AMBRA1: variants seen among roughly 807,000 people sequenced by gnomAD.
AMBRA1 encodes the protein activating molecule in BECN1-regulated autophagy protein 1.
Under a neutral mutation model 125.4 loss-of-function variants are expected in AMBRA1, and 47 were observed. The ratio of observed to expected loss-of-function variants is 0.37; its 90% CI spans 0.30 to 0.48. The LOEUF (loss-of-function observed/expected upper bound fraction) is 0.48, where lower values mean the gene tolerates loss of function less well. Ranked by LOEUF, AMBRA1 falls within the 20% of genes least tolerant of loss-of-function variation. The pLI is 0.99. For synonymous variants in AMBRA1, 626 were observed against 655.5 expected (o/e 0.95, Z 0.69); for missense variants, 1,331 against 1,693.4 (o/e 0.79, Z 3.76).
chr11:46,569,440 A>AAAAAATATATATATATAT (rs1477022124), intron 1 of AMBRA1, among the ~76,000 whole-genome samples: 3 of 131,386 alleles, frequency 2.3e-5, no homozygotes, highest in African/African-American at 8.8e-5. Context: ...AAAAAAAAAA[A>AAAAAATATATATATATAT]ATATATATAT....
intron 1 of AMBRA1, among the ~76,000 whole-genome samples, chr11:46,579,902 A>C (rs1342622395): frequency 6.6e-6 from 1 of 152,146 alleles, no homozygotes; most frequent in Non-Finnish European, 1.5e-5. Flanking sequence ...TAGTAGAGAC[A>C]GGGTTTTGCC....
chr11:46,593,357 G>T lies in AMBRA1; in HGVS notation c.-121+471C>A, dbSNP rs561442846. 3.9e-5 allele frequency among the ~76,000 whole-genome samples: 6 copies of T among 152,192 alleles called. No individual in the cohort carries two copies. The South Asian group carries it at 1.2e-3, about 32-fold the overall frequency. On this transcript the variant is annotated intron_variant, in intron 1 of 17. Transcript: ENST00000683756. ...CCTCAGTTTACCCACCCAGAAAAAGGCGAGAACATAACACTTCGCTCAGAA... is the reference window on the plus strand; with the variant it reads ...CCTCAGTTTACCCACCCAGAAAAAGTCGAGAACATAACACTTCGCTCAGAA...
At chr11:46,586,327 T>C (rs1357681629) in intron 1 of AMBRA1, among the ~76,000 whole-genome samples, 1 of 152,108 alleles carries the variant, frequency 6.6e-6, no homozygotes, top group Non-Finnish European at 1.5e-5. Context: ...AAGAATCGCT[T>C]GAACCCAGGA....
chr11:46,543,728 C>T (rs763742004), intron 6 of AMBRA1, among the ~76,000 whole-genome samples: 2 of 152,152 alleles, frequency 1.3e-5, no homozygotes, highest in Non-Finnish European at 2.9e-5. Flanking sequence ...GACAAGCTAT[C>T]CAACACTGTC....
chr11:46,574,189 G>A (rs1313730827), intron 1 of AMBRA1, among the ~76,000 whole-genome samples: 5 of 145,456 alleles, frequency 3.4e-5, no homozygotes, highest in Admixed American at 1.4e-4. Context: ...CCAGTAATAG[G>A]ATGGCTGGGT....
Position 46,420,521 on chromosome 11 carries a change from G to A in AMBRA1, c.2977-2469C>T, listed in dbSNP as rs1212316762. 2.0e-5 allele frequency among the ~76,000 whole-genome samples: 3 copies of A among 152,174 alleles called. No individual in the cohort carries two copies. The East Asian group carries it at 5.8e-4, about 29-fold the overall frequency. On this transcript the variant is annotated intron_variant, in intron 14 of 17. Coordinates refer to ENST00000683756, the MANE Select transcript of AMBRA1 (RefSeq NM_001387011.1). ...TGGCACCTTTATTCTTTCTCATGGA[G>A]GTTTTCACCTTCTCAGAAGATAACC...
rs1227335508 is a variant in AMBRA1, at chr11:46,420,059, T to C, written c.2977-2007A>G. Among the ~76,000 whole-genome samples, 17 of 124,956 alleles carry C rather than the reference T, an allele frequency of 1.4e-4. No homozygotes were observed. The Admixed American group carries it at 1.5e-3, about 11-fold the overall frequency. The allele number at this position is 124,956 out of a possible 152,430, so 82.0% of individuals were successfully genotyped here. Reference sequence around the variant, plus strand: ...TGTGGTGCTGAGAAATGTGCCCAGGTAGCTAAATGGTACTCTTCCAGAATG... The same window carrying C: ...TGTGGTGCTGAGAAATGTGCCCAGGCAGCTAAATGGTACTCTTCCAGAATG... On this transcript the variant is annotated intron_variant, in intron 14 of 17. Transcript: ENST00000683756.
At chr11:46,470,534 A>G (rs1329442786) in intron 11 of AMBRA1, among the ~76,000 whole-genome samples, 1 of 145,546 alleles carries the variant, frequency 6.9e-6, no homozygotes, top group Admixed American at 7.1e-5. Context: ...GCTTGCAGTG[A>G]GCCGAGATGG....
intron 12 of AMBRA1, among the ~76,000 whole-genome samples, chr11:46,439,516 T>A (rs1215993828): frequency 6.6e-6 from 1 of 152,176 alleles, no homozygotes. Flanking sequence ...CATACTTTGA[T>A]TATTTGGGAC....
At chr11:46,436,005 A>G (rs1237656607) in intron 12 of AMBRA1, among the ~76,000 whole-genome samples, 1 of 152,236 alleles carries the variant, frequency 6.6e-6, no homozygotes. Flanking sequence ...GCAGAACAGC[A>G]CAACACATTC....
intron 17 of AMBRA1, among the ~76,000 whole-genome samples, chr11:46,400,654 AT>A (rs113238967): frequency 2.0e-5 from 3 of 151,420 alleles, no homozygotes; most frequent in African/African-American, 4.8e-5. Flanking sequence ...CTCCTGGCTA[AT>A]TTTTTGTACT....
chr11:46,538,170 C>A (rs1174832214), intron 7 of AMBRA1, among the ~76,000 whole-genome samples: 1 of 152,174 alleles, frequency 6.6e-6, no homozygotes, highest in East Asian at 1.9e-4. Flanking sequence ...TTAATGTGTA[C>A]GCACTTATTT....
At chr11:46,546,581 A>G (rs1953029440) in intron 4 of AMBRA1, among the ~76,000 whole-genome samples, 1 of 151,994 alleles carries the variant, frequency 6.6e-6, no homozygotes, top group Non-Finnish European at 1.5e-5. Flanking sequence ...TGTTCATCTT[A>G]GCAAGAATGG....
rs546408225 is a variant in AMBRA1 at position 46,404,632 on chromosome 11, G to A, written c.3403+3881C>T. 2.3e-4 allele frequency among the ~76,000 whole-genome samples: 35 copies of A among 152,344 alleles called. No homozygotes were observed. In the East Asian group the frequency reaches 5.8e-3, roughly 25 times the overall value. ...GGATGCAGGCAGGCAGAAGCAGCCA[G>A]CTGCCCGGTCTCACTCTGCCTGCTG... is the stretch of plus-strand genomic sequence containing the variant. On this transcript the variant is annotated intron_variant, in intron 17 of 17. Coordinates refer to ENST00000683756, the MANE Select transcript of AMBRA1 (RefSeq NM_001387011.1).
At chr11:46,483,229 A>G (rs1950141394) in intron 11 of AMBRA1, among the ~76,000 whole-genome samples, 1 of 152,110 alleles carries the variant, frequency 6.6e-6, no homozygotes, top group Admixed American at 6.6e-5. Context: ...TGTGGTTACA[A>G]GATGACTCTC....
Position 46,418,244 on chromosome 11 carries a change from TAA to T in AMBRA1, c.2977-194_2977-193del, listed in dbSNP as rs1374197255. Among the ~76,000 whole-genome samples the T allele has an allele frequency of 2.7e-3, 386 of 144,470 alleles. 1 individual carries two copies. The highest frequency in any genetic ancestry group is 9.5e-3 in the African/African-American group (379 of 39,744). The allele number at this position is 144,470 out of a possible 152,430, so 94.8% of individuals were successfully genotyped here. ...TTTATTATTTATATATAAATATATA[TAA>T]TATATATTTTATTATTTATATATAA... On this transcript the variant is annotated intron_variant, in intron 14 of 17. Transcript: ENST00000683756.
intron 7 of AMBRA1, among the ~76,000 whole-genome samples, chr11:46,514,511 C>T (rs1241412751): frequency 2.6e-5 from 4 of 152,228 alleles, no homozygotes; most frequent in Non-Finnish European, 5.9e-5. Context: ...ACTAAATCTT[C>T]AGTAACATCA....
chr11:46,455,085 A>G (rs1216061141), intron 11 of AMBRA1, among the ~76,000 whole-genome samples: 2 of 152,124 alleles, frequency 1.3e-5, no homozygotes, highest in Non-Finnish European at 2.9e-5. Flanking sequence ...ATGGGATCTC[A>G]GTATTTACCC....
intron 1 of AMBRA1, among the ~76,000 whole-genome samples, chr11:46,585,322 G>T (rs1410941213): frequency 6.6e-6 from 1 of 150,976 alleles, no homozygotes; most frequent in East Asian, 1.9e-4. Flanking sequence ...ATCCCCCTCT[G>T]CGAGAAACAC....
Sources: allele counts gnomAD v4.1 joint callset (sites outside exome capture counted in the v4.1 genomes callset), GRCh38; gene constraint gnomAD v4.1.1; transcripts MANE v1.5; gene names NCBI Gene and HGNC (gene_info 2026-07-23, HGNC 2026-07-21).